Variants in ZNF521 observed in about 807,000 individuals in gnomAD.
ZNF521 encodes the protein LYST-interacting protein 3.
ZNF521 carries 14 observed loss-of-function variants against 105.5 expected under a neutral mutation model. The observed-to-expected ratio is 0.13, with a 90% CI of 0.09 to 0.21. The LOEUF is 0.21. Among genes scored for constraint, ZNF521 ranks in the 10% least tolerant of loss-of-function variants. The pLI is 1.00. For synonymous variants in ZNF521, 635 were observed against 606.0 expected (o/e 1.05, Z -0.70); for missense variants, 1,233 against 1,629.7 (o/e 0.76, Z 4.19).
At chr18:25,157,921 T>G (rs2144511183) in intron 5 of ZNF521, among the ~76,000 whole-genome samples, 1 of 152,104 alleles carries the variant, frequency 6.6e-6, no homozygotes, top group Middle Eastern at 3.4e-3. Flanking sequence ...CCAGCTAATT[T>G]TTTTGTATTT....
At chr18:25,095,256 A>G (rs1032549115) in intron 5 of ZNF521, among the ~76,000 whole-genome samples, 1 of 152,164 alleles carries the variant, frequency 6.6e-6, no homozygotes, top group African/African-American at 2.4e-5. Context: ...TTTTGCCCAC[A>G]AAGCATAACC....
chr18:25,253,939 C>T (rs1279122349), intron 3 of ZNF521, among the ~76,000 whole-genome samples: 1 of 152,054 alleles, frequency 6.6e-6, no homozygotes, highest in Non-Finnish European at 1.5e-5. Flanking sequence ...AAATCCTTGC[C>T]CAACTCTTCA....
In ZNF521 at chr18:25,320,706, T is replaced by G. The variant is rs1162236923; in HGVS notation, c.220+1302A>C. Among the ~76,000 whole-genome samples the G allele has an allele frequency of 2.0e-5, 3 of 152,322 alleles. No homozygotes were observed. In the East Asian group the frequency reaches 5.8e-4, roughly 29 times the overall value. Reference sequence around the variant, plus strand: ...ATGATATGGAAGTTCCTTATATTATTTTTTCAAGTTTTCTGTATGTTTGGA... The same window carrying G: ...ATGATATGGAAGTTCCTTATATTATGTTTTCAAGTTTTCTGTATGTTTGGA... On this transcript the variant is annotated intron_variant, in intron 3 of 7. Coordinates refer to ENST00000361524, the MANE Select transcript of ZNF521 (RefSeq NM_015461.3).
intron 4 of ZNF521, among the ~76,000 whole-genome samples, chr18:25,215,295 T>G (rs1023605740): frequency 1.3e-5 from 2 of 152,200 alleles, no homozygotes; most frequent in Non-Finnish European, 2.9e-5. Flanking sequence ...TTTTAAAAGC[T>G]TTTGGCAAGA....
At position 25,283,930 on chromosome 18, in the gene ZNF521, C is replaced by G. The variant is rs551665269; in HGVS notation, c.220+38078G>C. Among the ~76,000 whole-genome samples the G allele has an allele frequency of 4.2e-3, 594 of 142,624 alleles. 4 individuals carry two copies. The highest frequency in any genetic ancestry group is 0.012 in the African/African-American group (485 of 40,194). The allele number at this position is 142,624 out of a possible 152,430, so 93.6% of individuals were successfully genotyped here. On this transcript the variant is annotated intron_variant, in intron 3 of 7. Coordinates refer to ENST00000361524, the MANE Select transcript of ZNF521 (RefSeq NM_015461.3). ...AAAACAAGCCAATACTTTCCCCCCC[C>G]CCCAAAAAAATTCATGAGCAGCAAC...
chr18:25,182,920 C>T (rs1200099022), intron 5 of ZNF521, among the ~76,000 whole-genome samples: 1 of 152,086 alleles, frequency 6.6e-6, no homozygotes, highest in African/African-American at 2.4e-5. Context: ...TTCAAACCTA[C>T]CAACGTGATG....
chr18:25,351,007 T>G, intron 1 of ZNF521, 60 bp from the exon 2 acceptor site: 1 of 1,382,766 alleles, frequency 7.2e-7, no homozygotes, highest in Non-Finnish European at 9.5e-7. Context: ...TACTTCCTCG[T>G]GGCCGCGCGC....
chr18:25,325,475 C>T (rs757435916), intron 2 of ZNF521, among the ~76,000 whole-genome samples: 1 of 152,158 alleles, frequency 6.6e-6, no homozygotes, highest in Non-Finnish European at 1.5e-5. Context: ...TACTGCCCTG[C>T]CCCCAGCACC....
intron 3 of ZNF521, among the ~76,000 whole-genome samples, chr18:25,321,437 T>C (rs1162867975): frequency 6.6e-6 from 1 of 152,220 alleles, no homozygotes; most frequent in Non-Finnish European, 1.5e-5. Flanking sequence ...AGGCCAGGTA[T>C]TGTGCTAGGC....
chr18:25,168,529 C>CA (rs954605595), intron 5 of ZNF521, among the ~76,000 whole-genome samples: 1 of 152,112 alleles, frequency 6.6e-6, no homozygotes, highest in Non-Finnish European at 1.5e-5. Context: ...GACTTCCCAA[C>CA]AAAAAGCAGT....
At chr18:25,069,740 C>A (rs1437284337) in intron 7 of ZNF521, among the ~76,000 whole-genome samples, 1 of 152,160 alleles carries the variant, frequency 6.6e-6, no homozygotes. Context: ...AAGACATATG[C>A]ATAGTGGATT....
Position 25,226,833 on chromosome 18 carries a change from T to C in ZNF521, c.1085A>G (p.Asn362Ser), listed in dbSNP as rs373293411. The change falls in exon 4 of 8, where the codon AAC becomes AGC. Residue 362 changes from asparagine (N) to serine (S), a missense_variant. Transcript: ENST00000361524. This position sits in a 1 kb window ranked among gnomAD's most constrained non-coding sequence, Gnocchi z 4.1. ...CATGGTTGAGCTGTCCACTGAGAGG[T>C]TGGAATCTGGAGTCGTACTGGACAC... is the stretch of plus-strand genomic sequence containing the variant. ...TSVSSTTPDS[N>S]LSVDSSTMVE... is the part of the protein sequence containing the mutation. 4.8e-5 allele frequency: 78 copies of C among 1,613,200 alleles called. No individual in the cohort carries two copies. Among genetic ancestry groups the C allele is most frequent in the Admixed American group, 3.5e-4 (21 of 59,916 alleles).
chr18:25,278,904 G>A (rs757985980), intron 3 of ZNF521, among the ~76,000 whole-genome samples: 8 of 152,100 alleles, frequency 5.3e-5, no homozygotes, highest in South Asian at 4.2e-4. Flanking sequence ...TTATAACTCC[G>A]TTATTTTATT....
At chr18:25,063,249 A>G (rs2032957864) in intron 7 of ZNF521, among the ~76,000 whole-genome samples, 1 of 152,164 alleles carries the variant, frequency 6.6e-6, no homozygotes, top group African/African-American at 2.4e-5. Context: ...TAACATCTTG[A>G]CAACAGGGGC....
chr18:25,281,792 G>A (rs1910396152), intron 3 of ZNF521, among the ~76,000 whole-genome samples: 1 of 152,166 alleles, frequency 6.6e-6, no homozygotes, highest in Non-Finnish European at 1.5e-5. Context: ...AAGACTTTAG[G>A]AGGTTTCTGA....
intron 5 of ZNF521, among the ~76,000 whole-genome samples, chr18:25,093,337 A>G (rs2033787421): frequency 6.6e-6 from 1 of 152,120 alleles, no homozygotes; most frequent in South Asian, 2.1e-4. Context: ...ATCACATTAC[A>G]CTTTTATATT....
At chr18:25,350,436 G>T (rs1254503703) in intron 2 of ZNF521, among the ~76,000 whole-genome samples, 1 of 152,120 alleles carries the variant, frequency 6.6e-6, no homozygotes, top group Non-Finnish European at 1.5e-5. Context: ...TTTGTCACGA[G>T]CGGGGGCTGC....
At chr18:25,182,852 T>C (rs2035656171) in intron 5 of ZNF521, among the ~76,000 whole-genome samples, 1 of 152,186 alleles carries the variant, frequency 6.6e-6, no homozygotes, top group African/African-American at 2.4e-5. Context: ...GACCAGTCTT[T>C]ACCTTTACAC....
chr18:25,174,374 AT>A (rs1191534543), intron 5 of ZNF521, among the ~76,000 whole-genome samples: 1 of 152,176 alleles, frequency 6.6e-6, no homozygotes, highest in Non-Finnish European at 1.5e-5. Context: ...GGAAATTCAT[AT>A]CAAAAAATCG....
Sources: gnomAD v4.1 joint callset for allele counts (sites outside exome capture counted in the v4.1 genomes callset) on GRCh38, gnomAD v4.1.1 for gene constraint, Gnocchi (gnomAD v3.1) non-coding constraint, MANE v1.5 for transcripts, NCBI Gene and HGNC (gene_info 2026-07-23, HGNC 2026-07-21) for gene names.